Variants in IFT122 observed in about 807,000 individuals in gnomAD.
IFT122 encodes the protein intraflagellar transport protein 122 homolog.
A neutral mutation model predicts 161.6 loss-of-function variants in IFT122; 118 were observed. The observed-to-expected ratio is 0.73, with a 90% CI of 0.63 to 0.85. The LOEUF (loss-of-function observed/expected upper bound fraction) is 0.85. Among genes scored for constraint, IFT122 ranks in the 40% least tolerant of loss-of-function variants. IFT122 has a pLI of 0.00. For missense variants in IFT122, 1,381 were observed against 1,579.6 expected (o/e 0.87, Z 2.13); for synonymous variants, 550 against 602.4 (o/e 0.91, Z 1.27).
intron 22 of IFT122, 139 bp downstream of exon 22, chr3:129,506,688 G>A: frequency 8.3e-7 from 1 of 1,209,424 alleles, no homozygotes; most frequent in Non-Finnish European, 1.2e-6. Context: ...GCCTTGCAGT[G>A]GCGTAATCTG....
chr3:129,491,659 A>G (rs9877785), intron 16 of IFT122, among the ~76,000 whole-genome samples: 1,968 of 152,236 alleles, frequency 0.013, 37 homozygotes, highest in African/African-American at 0.042. Flanking sequence ...CTGTGGTACC[A>G]GGGGCTCTGG....
In IFT122 at chr3:129,460,962, G is replaced by A. The variant is rs754034427; in HGVS notation, c.273-266G>A. On this transcript the variant is annotated intron_variant, in intron 4 of 29. Coordinates refer to ENST00000348417, the MANE Select transcript of IFT122 (RefSeq NM_052989.3). ...AAGCACCTAAAGGCCAAGGTGGGAG[G>A]ATTGATTGCTTGAGGCCAAGCGTTC... is the stretch of plus-strand genomic sequence containing the variant. 158 of 1,603,744 alleles carry A rather than the reference G, an allele frequency of 9.9e-5. 2 individuals are homozygous for A. The highest frequency in any genetic ancestry group is 4.3e-6 in the Non-Finnish European group (5 of 1,170,718).
intron 17 of IFT122, among the ~76,000 whole-genome samples, chr3:129,493,593 C>G (rs1359844020): frequency 1.3e-5 from 2 of 152,208 alleles, no homozygotes; most frequent in African/African-American, 4.8e-5. Context: ...AGTCTATTTC[C>G]TAAGCTCATG....
intron 17 of IFT122, among the ~76,000 whole-genome samples, chr3:129,493,075 C>T (rs926147355): frequency 6.6e-6 from 1 of 152,146 alleles, no homozygotes; most frequent in African/African-American, 2.4e-5. Context: ...ACCTTAGCCT[C>T]CCAAAGTGCT....
At chr3:129,493,910 T>A (rs1320048083) in intron 17 of IFT122, among the ~76,000 whole-genome samples, 4 of 152,220 alleles carry the variant, frequency 2.6e-5, no homozygotes, top group Non-Finnish European at 5.9e-5. Flanking sequence ...TAAAGTAAAC[T>A]CCTAAGATTG....
At chr3:129,454,513 T>TGTG (rs2075223743) in intron 3 of IFT122, among the ~76,000 whole-genome samples, 23 of 131,276 alleles carry the variant, frequency 1.8e-4, no homozygotes, top group African/African-American at 7.0e-4. Context: ...GTAGTCATAT[T>TGTG]TGTGTGTGTG....
intron 3 of IFT122, among the ~76,000 whole-genome samples, chr3:129,457,589 C>T (rs2075668563): frequency 6.6e-6 from 1 of 152,130 alleles, no homozygotes; most frequent in Non-Finnish European, 1.5e-5. Context: ...GAGAAATGTT[C>T]CCTCATCTAA....
At chr3:129,477,929 G>A (rs878924189) in intron 11 of IFT122, 87 bp from the exon 12 acceptor site, 18 of 1,098,938 alleles carry the variant, frequency 1.6e-5, no homozygotes, top group Middle Eastern at 2.0e-4. Flanking sequence ...TGCCAGTAGC[G>A]CTAAGTAAAT....
Position 129,498,859 on chromosome 3 carries a change from C to T in IFT122, c.2209-1043C>T, listed in dbSNP as rs558060952. ...TGGGCTGTAAGTGCTCCCAGTTTCCCTTTTTGAAAAGCTCCACCTTTAAAA... is the reference window on the plus strand; with the variant it reads ...TGGGCTGTAAGTGCTCCCAGTTTCCTTTTTTGAAAAGCTCCACCTTTAAAA... On this transcript the variant is annotated intron_variant, in intron 18 of 29. Coordinates refer to ENST00000348417, the MANE Select transcript of IFT122 (RefSeq NM_052989.3). Among the ~76,000 whole-genome samples the T allele has an allele frequency of 2.3e-3, 350 of 152,280 alleles. 1 individual carries two copies. Among genetic ancestry groups the T allele is most frequent in the Non-Finnish European group, 3.6e-3 (248 of 68,020 alleles).
At chr3:129,443,231 G>A (rs1194631344) in intron 1 of IFT122, among the ~76,000 whole-genome samples, 1 of 152,220 alleles carries the variant, frequency 6.6e-6, no homozygotes, top group Non-Finnish European at 1.5e-5. Flanking sequence ...AAGTGGGGCT[G>A]GGTCAGATGA....
intron 2 of IFT122, among the ~76,000 whole-genome samples, chr3:129,450,305 A>G (rs1158054042): frequency 6.6e-6 from 1 of 152,230 alleles, no homozygotes; most frequent in Non-Finnish European, 1.5e-5. Context: ...AAAGTCAGAT[A>G]GCCTGACCCC....
chr3:129,449,437 A>G (rs1319275095), intron 1 of IFT122, among the ~76,000 whole-genome samples: 2 of 152,184 alleles, frequency 1.3e-5, no homozygotes, highest in African/African-American at 2.4e-5. Flanking sequence ...TTCTCACTGG[A>G]TAGTAATTTC....
chr3:129,504,062 G>A (rs149807071), intron 20 of IFT122: 40 of 491,250 alleles, frequency 8.1e-5, no homozygotes, highest in African/African-American at 5.6e-4. Flanking sequence ...CCGATTCTGT[G>A]CCGCTTCTGT....
At chr3:129,463,951 A>C (rs560218010) in intron 6 of IFT122, among the ~76,000 whole-genome samples, 1 of 152,334 alleles carries the variant, frequency 6.6e-6, no homozygotes, top group African/African-American at 2.4e-5. Context: ...TCCCTCCCAC[A>C]CTTTGATGCT....
chr3:129,465,114 A>AGTGTGT lies in IFT122; in HGVS notation c.563+375_563+380dup, dbSNP rs56116340. Among the ~76,000 whole-genome samples the AGTGTGT allele has an allele frequency of 4.1e-3, 590 of 142,398 alleles. 3 individuals are homozygous for AGTGTGT. Among genetic ancestry groups the AGTGTGT allele is most frequent in the Middle Eastern group, 7.0e-3 (2 of 286 alleles). The allele number at this position is 142,398 out of a possible 152,430, so 93.4% of individuals were successfully genotyped here. A position where few individuals can be genotyped will look rare whatever the true frequency, so the allele number is the denominator to read the frequency against. On this transcript the variant is annotated intron_variant, in intron 7 of 29. Transcript: ENST00000348417. ...ACATGTGTACGTGTACATGTATATG[A>AGTGTGT]GTGTGTGTGTGTGTGTGTGTGTGTG...
chr3:129,455,994 CAT>C (rs2075432309), intron 3 of IFT122: 3 of 387,914 alleles, frequency 7.7e-6, no homozygotes, highest in African/African-American at 4.2e-5. Context: ...AAAGTGGACT[CAT>C]GTAGTTAAAA....
At chr3:129,473,015 C>G (rs543361979) in intron 9 of IFT122, among the ~76,000 whole-genome samples, 3 of 152,214 alleles carry the variant, frequency 2.0e-5, no homozygotes, top group African/African-American at 7.2e-5. Flanking sequence ...AAATTCTCAT[C>G]TGCAGCTGGG....
intron 8 of IFT122, among the ~76,000 whole-genome samples, chr3:129,467,427 G>A (rs10934884): frequency 0.22 from 33,224 of 151,694 alleles, 4,652 homozygotes; most frequent in Middle Eastern, 0.35. Context: ...TAACATTATA[G>A]TGTGAACCCT....
chr3:129,494,540 A>G (rs2080593870), intron 17 of IFT122, among the ~76,000 whole-genome samples: 1 of 152,124 alleles, frequency 6.6e-6, no homozygotes, highest in African/African-American at 2.4e-5. Flanking sequence ...TCGTCCTCCA[A>G]TATGCTGCTC....
Sources: allele counts gnomAD v4.1 joint callset (sites outside exome capture counted in the v4.1 genomes callset), GRCh38; gene constraint gnomAD v4.1.1; transcripts MANE v1.5; gene names NCBI Gene and HGNC (gene_info 2026-07-23, HGNC 2026-07-21).